RAB27B: variants seen among roughly 807,000 people sequenced by gnomAD.
RAB27B encodes RAB27B, member RAS oncogene family.
A neutral mutation model predicts 24.6 loss-of-function variants in RAB27B; 15 were observed. The observed-to-expected ratio is 0.61, with a 90% CI of 0.41 to 0.94. RAB27B has a LOEUF of 0.94. RAB27B is among the 40% of genes least tolerant of loss of function. RAB27B has a pLI of 0.00. For missense variants in RAB27B, 261 were observed against 266.8 expected (o/e 0.98, Z 0.15); for synonymous variants, 105 against 92.5 (o/e 1.14, Z -0.78).
chr18:54,843,423 C>A (rs1046175103), intron 1 of RAB27B, among the ~76,000 whole-genome samples: 7 of 151,990 alleles, frequency 4.6e-5, no homozygotes, highest in Admixed American at 4.6e-4. Context: ...TGACTCACTG[C>A]AAAGAGAATT....
intron 1 of RAB27B, among the ~76,000 whole-genome samples, chr18:54,845,380 C>A (rs1442405330): frequency 1.5e-5 from 2 of 135,420 alleles, no homozygotes; most frequent in Non-Finnish European, 3.1e-5. Context: ...GCACTCCAGC[C>A]TGGGCGATAA....
intron 2 of RAB27B, among the ~76,000 whole-genome samples, chr18:54,804,551 T>C (rs1018075841): frequency 6.6e-6 from 1 of 152,216 alleles, no homozygotes; most frequent in Admixed American, 6.5e-5. Context: ...GGTGTATCTT[T>C]ATCAGCAGTG....
intron 1 of RAB27B, among the ~76,000 whole-genome samples, chr18:54,849,220 C>T (rs1256336639): frequency 1.3e-5 from 2 of 152,194 alleles, no homozygotes; most frequent in African/African-American, 2.4e-5. Context: ...GCTGTTTCAC[C>T]TCCTGGTGAC....
chr18:54,823,393 G>A (rs776761883), intron 2 of RAB27B, among the ~76,000 whole-genome samples: 129 of 151,088 alleles, frequency 8.5e-4, no homozygotes, highest in Non-Finnish European at 1.7e-3. Context: ...GAAGGGTTAC[G>A]AAATCTCGGA....
chr18:54,783,091 G>A (rs1010746258), intron 2 of RAB27B, among the ~76,000 whole-genome samples: 4 of 151,928 alleles, frequency 2.6e-5, no homozygotes, highest in African/African-American at 9.7e-5. Flanking sequence ...CCAAGTAGCT[G>A]GGATTACAGG....
At chr18:54,720,850 A>C (rs1055815231) in intron 2 of RAB27B, among the ~76,000 whole-genome samples, 7 of 152,120 alleles carry the variant, frequency 4.6e-5, no homozygotes, top group African/African-American at 7.2e-5. Context: ...ATGAGTTTTT[A>C]AGAATCTGTT....
intron 2 of RAB27B, among the ~76,000 whole-genome samples, chr18:54,807,468 G>GTCCTTA (rs1909827530): frequency 1.3e-5 from 2 of 152,092 alleles, no homozygotes; most frequent in African/African-American, 4.8e-5. Context: ...ATCTCCTCGG[G>GTCCTTA]AACTTGGAGC....
chr18:54,762,919 G>A (rs1035224), intron 2 of RAB27B, among the ~76,000 whole-genome samples: 68,150 of 151,944 alleles, frequency 0.45, 17,172 homozygotes, highest in Middle Eastern at 0.58. Context: ...GGGGTTCAGT[G>A]TGTGTCACAA....
At chr18:54,874,127 T>C (rs921332756) in intron 1 of RAB27B, among the ~76,000 whole-genome samples, 12 of 152,198 alleles carry the variant, frequency 7.9e-5, no homozygotes, top group African/African-American at 2.4e-4. Flanking sequence ...GAAAACATGA[T>C]AGGTCGTGTA....
At chr18:54,806,713 G>A (rs1053002830) in intron 2 of RAB27B, among the ~76,000 whole-genome samples, 7 of 151,450 alleles carry the variant, frequency 4.6e-5, no homozygotes, top group Middle Eastern at 3.4e-3. Context: ...ATGGTTAAGT[G>A]GATGGAAAAC....
chr18:54,772,255 A>G (rs1242121434), intron 2 of RAB27B, among the ~76,000 whole-genome samples: 1 of 152,192 alleles, frequency 6.6e-6, no homozygotes, highest in Admixed American at 6.5e-5. Flanking sequence ...ATTTAGTAAC[A>G]TAATGTATCA....
At chr18:54,853,782 T>C (rs1421643544) in intron 1 of RAB27B, among the ~76,000 whole-genome samples, 1 of 152,182 alleles carries the variant, frequency 6.6e-6, no homozygotes, top group Non-Finnish European at 1.5e-5. Flanking sequence ...TGTGTAGCTT[T>C]TGTTAGTTTA....
chr18:54,812,543 C>G (rs1909995406), intron 2 of RAB27B, among the ~76,000 whole-genome samples: 1 of 121,504 alleles, frequency 8.2e-6, no homozygotes, highest in Non-Finnish European at 1.8e-5. Flanking sequence ...GACCATGGAA[C>G]TCCTTTAACA....
intron 2 of RAB27B, among the ~76,000 whole-genome samples, chr18:54,775,200 A>C (rs902335660): frequency 6.6e-6 from 1 of 152,220 alleles, no homozygotes; most frequent in African/African-American, 2.4e-5. Flanking sequence ...CAGCATCAAC[A>C]TAAAACAGCT....
At chr18:54,858,189 T>G (rs1911860708) in intron 1 of RAB27B, among the ~76,000 whole-genome samples, 1 of 152,218 alleles carries the variant, frequency 6.6e-6, no homozygotes, top group Non-Finnish European at 1.5e-5. Flanking sequence ...TCTCTCATAG[T>G]CACATACAAT....
chr18:54,742,566 T>G (rs1910102156), intron 2 of RAB27B, among the ~76,000 whole-genome samples: 1 of 152,210 alleles, frequency 6.6e-6, no homozygotes, highest in African/African-American at 2.4e-5. Context: ...CATTTCTGTG[T>G]TTTGCCTCTG....
chr18:54,854,922 A>T (rs1017896368), intron 1 of RAB27B, among the ~76,000 whole-genome samples: 1 of 152,042 alleles, frequency 6.6e-6, no homozygotes, highest in Non-Finnish European at 1.5e-5. Flanking sequence ...GGATTGGGGG[A>T]TGGTTTCGGG....
intron 2 of RAB27B, among the ~76,000 whole-genome samples, chr18:54,806,130 C>G (rs536571097): frequency 1.4e-4 from 21 of 152,246 alleles, no homozygotes; most frequent in Middle Eastern, 3.4e-3. Flanking sequence ...CTAGTGCTTC[C>G]TTTTTTGTTC....
chr18:54,813,117 G>A (rs1421585229), intron 2 of RAB27B, among the ~76,000 whole-genome samples: 1 of 152,070 alleles, frequency 6.6e-6, no homozygotes, highest in African/African-American at 2.4e-5. Context: ...CTACTGCTGT[G>A]GCTGGAGAAT....
Sources: gnomAD v4.1 joint callset for allele counts (sites outside exome capture counted in the v4.1 genomes callset) on GRCh38, gnomAD v4.1.1 for gene constraint, MANE v1.5 for transcripts, NCBI Gene and HGNC (gene_info 2026-07-23, HGNC 2026-07-21) for gene names.